MTX2: variants seen among roughly 807,000 people sequenced by gnomAD.
MTX2 encodes metaxin-2.
In MTX2, 35 loss-of-function variants were observed where a neutral mutation model predicts 42.3. The observed-to-expected ratio is 0.83, with a 90% confidence interval of 0.63 to 1.10. The LOEUF (loss-of-function observed/expected upper bound fraction) is 1.10, where lower values mean the gene tolerates loss of function less well. MTX2 is among the 50% of genes least tolerant of loss of function. MTX2 has a pLI of 0.00. For synonymous variants in MTX2, 119 were observed against 100.9 expected (o/e 1.18, Z -1.08); for missense variants, 307 against 304.1 (o/e 1.01, Z -0.07).
At chr2:176,302,821 C>T (rs1226939478) in intron 3 of MTX2, among the ~76,000 whole-genome samples, 1 of 152,032 alleles carries the variant, frequency 6.6e-6, no homozygotes, top group African/African-American at 2.4e-5. Flanking sequence ...CTTAGCTGAC[C>T]CTTGCATTTT....
intron 3 of MTX2, among the ~76,000 whole-genome samples, chr2:176,320,152 G>A (rs1229394712): frequency 6.6e-6 from 1 of 151,918 alleles, no homozygotes; most frequent in Non-Finnish European, 1.5e-5. Flanking sequence ...AAAAAGCATG[G>A]GACTAAGAAG....
intron 3 of MTX2, among the ~76,000 whole-genome samples, chr2:176,322,491 C>T (rs963627285): frequency 6.6e-6 from 1 of 151,874 alleles, no homozygotes; most frequent in Admixed American, 6.6e-5. Context: ...AATTGAATAA[C>T]TGAATTATTT....
chr2:176,297,217 C>T (rs941361179), intron 2 of MTX2, among the ~76,000 whole-genome samples: 7 of 152,076 alleles, frequency 4.6e-5, no homozygotes, highest in African/African-American at 1.7e-4. Context: ...TTTTGAAGTC[C>T]TGTGGTAAAG....
At chr2:176,269,750 C>G (rs1692750719) in intron 1 of MTX2, 81 bp downstream of exon 1, 5 of 1,471,506 alleles carry the variant, frequency 3.4e-6, no homozygotes, top group Non-Finnish European at 4.5e-6. Flanking sequence ...GAGCTTTCCT[C>G]CAGCCTTGCG....
chr2:176,291,342 A>G (rs1279229004), intron 1 of MTX2, among the ~76,000 whole-genome samples: 4 of 152,310 alleles, frequency 2.6e-5, no homozygotes, highest in East Asian at 1.9e-4. Flanking sequence ...AGTAATAACA[A>G]CAATGATGAT....
intron 3 of MTX2, among the ~76,000 whole-genome samples, chr2:176,307,434 G>A (rs1019832978): frequency 6.6e-6 from 1 of 152,092 alleles, no homozygotes; most frequent in Non-Finnish European, 1.5e-5. Flanking sequence ...TTCCAATTCT[G>A]TGAAAAAAGT....
At chr2:176,307,478 A>G (rs1284787311) in intron 3 of MTX2, among the ~76,000 whole-genome samples, 5 of 152,324 alleles carry the variant, frequency 3.3e-5, no homozygotes, top group Middle Eastern at 3.4e-3. Context: ...CATTGAATCT[A>G]TAAATTACTT....
At chr2:176,280,638 A>G (rs1390585433) in intron 1 of MTX2, among the ~76,000 whole-genome samples, 1 of 152,236 alleles carries the variant, frequency 6.6e-6, no homozygotes, top group East Asian at 1.9e-4. Context: ...AATAAGCAAC[A>G]TCGAGTTCCT....
At chr2:176,296,100 C>T (rs571513673) in intron 1 of MTX2, among the ~76,000 whole-genome samples, 88 of 152,242 alleles carry the variant, frequency 5.8e-4, no homozygotes, top group Non-Finnish European at 1.1e-3. Context: ...GTACTTTTCC[C>T]AAACACTGGG....
intron 3 of MTX2, among the ~76,000 whole-genome samples, chr2:176,317,038 T>TTA (rs1553474451): frequency 0.011 from 1,531 of 144,310 alleles, 23 homozygotes; most frequent in African/African-American, 0.037. Context: ...GTGTCTTTTT[T>TTA]AAAAAAAAAA....
intron 1 of MTX2, among the ~76,000 whole-genome samples, chr2:176,286,254 A>G (rs1373948812): frequency 1.3e-5 from 2 of 152,184 alleles, no homozygotes; most frequent in Admixed American, 6.5e-5. Flanking sequence ...AGTTTCTAAC[A>G]TATTTTGGAT....
chr2:176,287,906 T>G (rs1346648113), intron 1 of MTX2, among the ~76,000 whole-genome samples: 2 of 152,080 alleles, frequency 1.3e-5, no homozygotes, highest in Non-Finnish European at 2.9e-5. Context: ...GCTTTTTTTT[T>G]TTTTTTAACG....
Position 176,297,839 on chromosome 2 carries a change from A to G in MTX2, c.89-10A>G, listed in dbSNP as rs1170831652. 8 of 1,536,944 alleles carry G rather than the reference A, an allele frequency of 5.2e-6. No individual in the cohort carries two copies. Among genetic ancestry groups the G allele is most frequent in the African/African-American group, 1.4e-5 (1 of 72,658 alleles). ...TTGGTTAACATTTATGCTTCATTGT[A>G]TTTCCACAGGGGAGCAAATTTTACT... On this transcript the variant is annotated splice_polypyrimidine_tract_variant and intron_variant, in intron 2 of 9. Transcript: ENST00000249442.
chr2:176,328,293 G>T lies in MTX2; in HGVS notation c.286G>T (p.Gly96Cys). 1.3e-6 allele frequency: 2 copies of T among 1,546,368 alleles called. No homozygotes were observed. The highest frequency in any genetic ancestry group is 2.1e-5 in the Admixed American group (1 of 47,260). The change falls in exon 6 of 10, where the codon GGC (glycine) becomes TGC (cysteine). Residue 96 changes from glycine (G) to cysteine (C), a missense_variant and splice_region_variant. Transcript: ENST00000249442. ...TTAAATTTTTTTAAATTCCCTTTAG[G>T]GCCATTCTCTTAGTGATGGGCTGGA... is the stretch of plus-strand genomic sequence containing the variant. ...GPIVQFVKAK[G>C]HSLSDGLEEV...
intron 3 of MTX2, among the ~76,000 whole-genome samples, chr2:176,309,720 CTTTTTTT>C (rs745705028): frequency 1.6e-4 from 16 of 98,552 alleles, no homozygotes; most frequent in Non-Finnish European, 2.6e-4. Flanking sequence ...GCAACCTCTG[CTTTTTTT>C]TTTTTTTTTT....
At chr2:176,271,644 A>G (rs1692811490) in intron 1 of MTX2, among the ~76,000 whole-genome samples, 1 of 152,184 alleles carries the variant, frequency 6.6e-6, no homozygotes, top group Non-Finnish European at 1.5e-5. Context: ...GGGCATGGGG[A>G]AAAGTTACTC....
At chr2:176,327,965 G>A (rs959169001) in intron 5 of MTX2, among the ~76,000 whole-genome samples, 4 of 150,860 alleles carry the variant, frequency 2.7e-5, no homozygotes, top group Admixed American at 1.3e-4. Flanking sequence ...GCACATGTCA[G>A]TCTTTTGGCA....
chr2:176,295,492 G>A (rs1234926924), intron 1 of MTX2, among the ~76,000 whole-genome samples: 2 of 151,980 alleles, frequency 1.3e-5, no homozygotes, highest in African/African-American at 4.8e-5. Flanking sequence ...TTGCTGTGTT[G>A]GTATGTGCGT....
Position 176,289,332 on chromosome 2 carries a change from T to C in MTX2, c.41-7528T>C, listed in dbSNP as rs184881555. Among the ~76,000 whole-genome samples the C allele has an allele frequency of 5.1e-4, 78 of 152,204 alleles. No homozygotes were observed. The East Asian group carries it at 0.014, about 27-fold the overall frequency. On this transcript the variant is annotated intron_variant, in intron 1 of 9. Transcript: ENST00000249442. ...CTTTGTTCTCCAATGTAAATACTTA[T>C]GAGTTTCTTTGAGAAATATTCATTT...
Sources: gnomAD v4.1 joint callset for allele counts (sites outside exome capture counted in the v4.1 genomes callset) on GRCh38, gnomAD v4.1.1 for gene constraint, MANE v1.5 for transcripts, NCBI Gene and HGNC (gene_info 2026-07-23, HGNC 2026-07-21) for gene names.